The following KCNMB4 variants were observed in gnomAD, a reference collection of about 807,000 sequenced individuals.
The protein encoded by KCNMB4 is potassium calcium-activated channel subfamily M regulatory beta subunit 4, also known as calcium-activated potassium channel subunit beta-4.
KCNMB4 carries 3 observed loss-of-function variants against 20.7 expected under a neutral mutation model. The ratio of observed to expected loss-of-function variants is 0.14; its 90% CI spans 0.07 to 0.37. KCNMB4 has a LOEUF of 0.37. Among genes scored for constraint, KCNMB4 ranks in the 10% least tolerant of loss-of-function variants. The probability of loss-of-function intolerance (pLI) is 1.00; values close to 1 mark genes in which losing one functional copy is unlikely to be tolerated. For synonymous variants in KCNMB4, 110 were observed against 113.4 expected, an observed-to-expected ratio of 0.97 and a Z score of 0.19; for missense variants, 168 against 265.9, an observed-to-expected ratio of 0.63 and a Z score of 2.56.
At chr12:70,416,832 C>G (rs954088891) in intron 2 of KCNMB4, among the ~76,000 whole-genome samples, 1 of 152,100 alleles carries the variant, frequency 6.6e-6, no homozygotes, top group Non-Finnish European at 1.5e-5. Context: ...TAGCCTATTT[C>G]TGTCTTCCTA....
intron 2 of KCNMB4, among the ~76,000 whole-genome samples, chr12:70,403,387 C>T (rs1437129825): frequency 6.6e-6 from 1 of 152,122 alleles, no homozygotes; most frequent in South Asian, 2.1e-4. Flanking sequence ...GGCTGGAGTG[C>T]AGTGGCACGA....
chr12:70,421,989 A>G (rs2136141660), intron 2 of KCNMB4, among the ~76,000 whole-genome samples: 1 of 152,210 alleles, frequency 6.6e-6, no homozygotes, highest in East Asian at 1.9e-4. Flanking sequence ...TGGGGAGAAT[A>G]AAATGAGGAG....
At position 70,366,749 on chromosome 12, in the gene KCNMB4, G is replaced by A. The variant is rs1883501065; in HGVS notation, c.15G>A (p.Arg5=). The A allele has an allele frequency of 6.3e-7, 1 of 1,596,874 alleles. No homozygotes were observed. The highest frequency in any genetic ancestry group is 2.3e-5 in the East Asian group (1 of 44,162). The change falls in exon 1 of 3, where the codon CGG becomes CGA. Residue 5 remains arginine, a synonymous_variant. Transcript: ENST00000258111. ...AGTGGGGGGCGATGGCGAAGCTCCG[G>A]GTGGCTTACGAGTACACGGAAGCCG... is the stretch of plus-strand genomic sequence containing the variant. MAKL[R]VAYEYTEAED... is the part of the protein sequence containing the mutation.
At chr12:70,409,456 C>T (rs1319832159) in intron 2 of KCNMB4, among the ~76,000 whole-genome samples, 2 of 152,212 alleles carry the variant, frequency 1.3e-5, no homozygotes, top group African/African-American at 4.8e-5. Flanking sequence ...AAAGGCCATG[C>T]TCTTCCAATT....
At chr12:70,370,297 G>T (rs919342625) in intron 1 of KCNMB4, among the ~76,000 whole-genome samples, 65 of 103,276 alleles carry the variant, frequency 6.3e-4, no homozygotes, top group African/African-American at 3.1e-3. Context: ...TGAATTTTTT[G>T]TTTTTTTTTG....
chr12:70,382,545 G>A (rs1275795051), intron 1 of KCNMB4, among the ~76,000 whole-genome samples: 1 of 151,828 alleles, frequency 6.6e-6, no homozygotes, highest in Admixed American at 6.6e-5. Context: ...TATATGGGGT[G>A]GGCAAAGCTT....
intron 2 of KCNMB4, among the ~76,000 whole-genome samples, chr12:70,405,274 T>G (rs1868567843): frequency 6.6e-6 from 1 of 152,076 alleles, no homozygotes; most frequent in Admixed American, 6.5e-5. Context: ...CATAAGGAAC[T>G]CCTACAACTC....
At position 70,433,288 on chromosome 12, in the gene KCNMB4, G is replaced by GATAATTT. The variant is rs1869415760; in HGVS notation, c.*2638_*2644dup. 1 of 152,126 alleles carries GATAATTT rather than the reference G, an allele frequency of 6.6e-6. No homozygotes were observed. Among genetic ancestry groups the GATAATTT allele is most frequent in the Admixed American group, 6.5e-5 (1 of 15,276 alleles). 9.4% of individuals were successfully genotyped at this position (152,126 alleles called of 1,614,324 possible). On this transcript the variant is annotated 3_prime_UTR_variant, in exon 3 of 3. Transcript: ENST00000258111. ...CCCCAAAATATGATGGCTCATGTAA[G>GATAATTT]ATAATTTATTTTTTTCTCACATAGC...
chr12:70,378,400 C>T (rs1044387662), intron 1 of KCNMB4, among the ~76,000 whole-genome samples: 11 of 152,284 alleles, frequency 7.2e-5, no homozygotes, highest in East Asian at 1.9e-4. Flanking sequence ...TTTTAACCTC[C>T]GTTCATGATT....
At chr12:70,381,857 T>G (rs902395206) in intron 1 of KCNMB4, among the ~76,000 whole-genome samples, 16 of 152,192 alleles carry the variant, frequency 1.1e-4, no homozygotes, top group African/African-American at 3.9e-4. Flanking sequence ...ACACTTTTAA[T>G]GGGTAAATTG....
chr12:70,389,939 G>A (rs971738959), intron 1 of KCNMB4, among the ~76,000 whole-genome samples: 1 of 152,186 alleles, frequency 6.6e-6, no homozygotes, highest in Non-Finnish European at 1.5e-5. Flanking sequence ...GTATAGATCA[G>A]AGTTCTATTT....
chr12:70,402,654 CAAAAAAAAAAA>C (rs34956547), intron 2 of KCNMB4, among the ~76,000 whole-genome samples: 4 of 75,108 alleles, frequency 5.3e-5, no homozygotes, highest in African/African-American at 2.0e-4. Context: ...GACCCTGCCT[CAAAAAAAAAAA>C]AAAAAAAAAA....
At chr12:70,421,975 A>T (rs11178233) in intron 2 of KCNMB4, among the ~76,000 whole-genome samples, 62,001 of 150,866 alleles carry the variant, frequency 0.41, 12,816 homozygotes, top group East Asian at 0.54. Context: ...TTTTTTGGTA[A>T]GTGTGGGGAG....
At chr12:70,404,727 T>C (rs1462736550) in intron 2 of KCNMB4, among the ~76,000 whole-genome samples, 1 of 152,214 alleles carries the variant, frequency 6.6e-6, no homozygotes, top group Non-Finnish European at 1.5e-5. Flanking sequence ...CAAACTTGAC[T>C]GAGTGTTAGA....
chr12:70,403,715 G>A (rs906786923), intron 2 of KCNMB4, among the ~76,000 whole-genome samples: 4 of 152,198 alleles, frequency 2.6e-5, no homozygotes, highest in Non-Finnish European at 4.4e-5. Flanking sequence ...TTGTAAAATC[G>A]ATGCTAGGGA....
intron 2 of KCNMB4, among the ~76,000 whole-genome samples, chr12:70,408,680 G>A (rs1468600082): frequency 6.6e-6 from 1 of 152,106 alleles, no homozygotes; most frequent in African/African-American, 2.4e-5. Flanking sequence ...GCCAAGGGTT[G>A]AGTCCATTTG....
intron 1 of KCNMB4, among the ~76,000 whole-genome samples, chr12:70,388,612 A>G (rs1048806737): frequency 6.6e-6 from 1 of 152,166 alleles, no homozygotes; most frequent in African/African-American, 2.4e-5. Flanking sequence ...TCTGATGATC[A>G]GTGATATTGA....
intron 1 of KCNMB4, among the ~76,000 whole-genome samples, chr12:70,387,277 T>C (rs912744960): frequency 1.3e-5 from 2 of 152,206 alleles, no homozygotes; most frequent in African/African-American, 2.4e-5. Flanking sequence ...TTTTCATTTT[T>C]AGCAGTTTAA....
chr12:70,422,319 C>A (rs1345133584), intron 2 of KCNMB4, among the ~76,000 whole-genome samples: 2 of 152,138 alleles, frequency 1.3e-5, no homozygotes, highest in African/African-American at 2.4e-5. Context: ...AACAGCAATT[C>A]TTAAAGGAAA....
Sources: gnomAD v4.1 joint callset for allele counts (sites outside exome capture counted in the v4.1 genomes callset) on GRCh38, gnomAD v4.1.1 for gene constraint, MANE v1.5 for transcripts, NCBI Gene and HGNC (gene_info 2026-07-23, HGNC 2026-07-21) for gene names.